TMX3: variants seen among roughly 807,000 people sequenced by gnomAD.
TMX3 encodes the protein thioredoxin related transmembrane protein 3.
In TMX3, 40 loss-of-function variants were observed where a neutral mutation model predicts 64.4. The ratio of observed to expected loss-of-function variants is 0.62; its 90% CI spans 0.48 to 0.81. The LOEUF is 0.81. TMX3 is among the 30% of genes least tolerant of loss of function. TMX3 has a pLI of 0.00. For synonymous variants in TMX3, 189 were observed against 175.7 expected (o/e 1.08, Z -0.60); for missense variants, 497 against 534.5 (o/e 0.93, Z 0.69).
chr18:68,713,307 G>A (rs2031478763), intron 2 of TMX3, among the ~76,000 whole-genome samples: 1 of 152,182 alleles, frequency 6.6e-6, no homozygotes, highest in Non-Finnish European at 1.5e-5. Flanking sequence ...GTGTAGACAT[G>A]CAAATGAGCG....
rs955580086 is a variant in TMX3, at chr18:68,707,802, T to G, written c.265+2219A>C. ...TTTGTCTGGATCTTTCTTTAATCTC[T>G]AGAGATTAGCACAGTGTTTGACAAA... On this transcript the variant is annotated intron_variant, in intron 4 of 15. Coordinates refer to ENST00000299608, the MANE Select transcript of TMX3 (RefSeq NM_019022.5). Among the ~76,000 whole-genome samples, 9 of 152,282 alleles carry G rather than the reference T, an allele frequency of 5.9e-5. No homozygotes were observed. The East Asian group carries it at 1.4e-3, about 23-fold the overall frequency.
At chr18:68,701,250 T>C (rs539727040) in intron 5 of TMX3, among the ~76,000 whole-genome samples, 59 of 152,228 alleles carry the variant, frequency 3.9e-4, no homozygotes, top group Non-Finnish European at 7.2e-4. Flanking sequence ...AAAAATAACT[T>C]TCCGAACAAT....
At chr18:68,707,975 ATATGTG>A (rs761779180) in intron 4 of TMX3, among the ~76,000 whole-genome samples, 3 of 148,986 alleles carry the variant, frequency 2.0e-5, no homozygotes, top group Admixed American at 1.3e-4. Flanking sequence ...ATGTGTACAT[ATATGTG>A]TATGTGTATA....
At chr18:68,679,958 A>T (rs1013038258) in intron 14 of TMX3, among the ~76,000 whole-genome samples, 1 of 152,154 alleles carries the variant, frequency 6.6e-6, no homozygotes, top group African/African-American at 2.4e-5. Context: ...AAATCACTCA[A>T]ATCCTATATT....
rs1391691435 is a variant in TMX3, at chr18:68,679,498, T to C, written c.1069A>G (p.Lys357Glu). ...GATTTGGCATCAAATACTATTCTTT[T>C]CAATCTCTGCAAAATGCTATCACCT... ...QGGDSILQRL[K>E]RIVFDAKSTI... The change falls in exon 15 of 16, where the codon AAA becomes GAA. Residue 357 changes from lysine to glutamate, a missense_variant. Transcript: ENST00000299608. The C allele has an allele frequency of 1.2e-6, 2 of 1,612,308 alleles. No homozygotes were observed. The highest frequency in any genetic ancestry group is 1.7e-6 in the Non-Finnish European group (2 of 1,179,346).
intron 8 of TMX3, among the ~76,000 whole-genome samples, chr18:68,691,642 G>T (rs1345283279): frequency 6.6e-6 from 1 of 152,132 alleles, no homozygotes; most frequent in Non-Finnish European, 1.5e-5. Flanking sequence ...GCCTATTCAG[G>T]TTTAAGTCCT....
At chr18:68,710,166 A>G in intron 3 of TMX3, 22 bp from the exon 4 acceptor site, 1 of 1,507,408 alleles carries the variant, frequency 6.6e-7, no homozygotes, top group Non-Finnish European at 8.8e-7. Context: ...AAAACAAACA[A>G]CAAACAAAAA....
chr18:68,713,812 A>C lies in TMX3; in HGVS notation c.101+34T>G, dbSNP rs201703581. On this transcript the variant is annotated intron_variant, in intron 2 of 15. Transcript: ENST00000299608. ...TTCAGATATCTGAGTTGGACAGTTA[A>C]AATAATATTTTAAATATATATATGT... 1,354 of 1,134,736 alleles carry C rather than the reference A, an allele frequency of 1.2e-3. 15 individuals carry two copies. Among genetic ancestry groups the C allele is most frequent in the South Asian group, 9.2e-3 (462 of 50,086 alleles). 70.3% of individuals were successfully genotyped at this position (1,134,736 alleles called of 1,614,324 possible).
intron 9 of TMX3, chr18:68,691,037 A>C (rs190758968): frequency 1.2e-4 from 45 of 362,092 alleles, no homozygotes; most frequent in African/African-American, 6.7e-4. Context: ...AAAATCACAT[A>C]GAATTTATTC....
At chr18:68,687,137 T>G in intron 10 of TMX3, 1 of 984,802 alleles carries the variant, frequency 1.0e-6, no homozygotes, top group East Asian at 1.1e-4. Context: ...CACTTTCTCC[T>G]AAAACTTACA....
chr18:68,695,543 C>A (rs531531325), intron 8 of TMX3, among the ~76,000 whole-genome samples: 1 of 152,178 alleles, frequency 6.6e-6, no homozygotes, highest in South Asian at 2.1e-4. Context: ...TCTTCCTTCT[C>A]CAAAATTCCT....
At chr18:68,702,094 T>C (rs1301189137) in intron 4 of TMX3, among the ~76,000 whole-genome samples, 1 of 115,310 alleles carries the variant, frequency 8.7e-6, no homozygotes, top group African/African-American at 3.4e-5. Context: ...GTAAAAAAAA[T>C]AAAAATAAAA....
chr18:68,710,402 A>G (rs2031157454), intron 3 of TMX3, among the ~76,000 whole-genome samples: 1 of 152,200 alleles, frequency 6.6e-6, no homozygotes, highest in Admixed American at 6.5e-5. Flanking sequence ...CAGATATACA[A>G]TTTACAATAA....
Position 68,679,486 on chromosome 18 carries a change from A to G in TMX3, c.1081T>C (p.Phe361Leu), listed in dbSNP as rs778046030. ...SILQRLKRIV[F>L]DAKSTIVSIF... ...ACCACAATAGTAGATTTGGCATCAA[A>G]TACTATTCTTTTCAATCTCTGCAAA... The change falls in exon 15 of 16, where the codon TTT (phenylalanine) becomes CTT (leucine). Residue 361 changes from phenylalanine to leucine, a missense_variant. Physicochemically the swap from Phe to Leu is conservative, Grantham distance 22. Around this residue, in one of 3 missense-constraint regions of TMX3, gnomAD observed 43 missense variants for 75.3 expected, o/e 0.57. Coordinates refer to ENST00000299608, the MANE Select transcript of TMX3 (RefSeq NM_019022.5). 3.5e-5 allele frequency: 57 copies of G among 1,612,304 alleles called. No homozygotes were observed. The highest frequency in any genetic ancestry group is 4.4e-5 in the Non-Finnish European group (52 of 1,179,320).
At chr18:68,687,920 G>A in intron 9 of TMX3, 155 bp from the exon 10 acceptor site, 1 of 460,230 alleles carries the variant, frequency 2.2e-6, no homozygotes, top group Non-Finnish European at 3.8e-6. Context: ...ACAATCAAAT[G>A]TACAGAAGGA....
chr18:68,687,264 G>A, intron 10 of TMX3: 6 of 985,354 alleles, frequency 6.1e-6, no homozygotes, highest in Non-Finnish European at 7.2e-6. Context: ...AGCGTAACTT[G>A]AAGAAACCAT....
chr18:68,696,161 T>G (rs1915051413), intron 8 of TMX3, among the ~76,000 whole-genome samples: 1 of 152,164 alleles, frequency 6.6e-6, no homozygotes, highest in Non-Finnish European at 1.5e-5. Flanking sequence ...TTTTTTAATT[T>G]TTTAAATTAT....
chr18:68,709,957 T>G, intron 4 of TMX3, 64 bp downstream of exon 4: 1 of 1,468,672 alleles, frequency 6.8e-7, no homozygotes. Flanking sequence ...CCACCCTGAA[T>G]ACTGTTGCAT....
chr18:68,698,687 G>T (rs868005214), intron 6 of TMX3, among the ~76,000 whole-genome samples: 1 of 152,000 alleles, frequency 6.6e-6, no homozygotes, highest in Admixed American at 6.6e-5. Context: ...TACGTCATAG[G>T]TTATTAAGCG....
Sources: allele counts gnomAD v4.1 joint callset (sites outside exome capture counted in the v4.1 genomes callset), GRCh38; gene constraint gnomAD v4.1.1; regional missense constraint gnomAD v4.1.1; transcripts MANE v1.5; gene names NCBI Gene and HGNC (gene_info 2026-07-23, HGNC 2026-07-21).